ACVR2B: variants seen among roughly 807,000 people sequenced by gnomAD.
ACVR2B encodes the protein activin receptor type-2B.
In ACVR2B, 18 loss-of-function variants were observed where a neutral mutation model predicts 65.1. The ratio of observed to expected loss-of-function variants is 0.28; its 90% CI spans 0.19 to 0.41. The LOEUF (loss-of-function observed/expected upper bound fraction) is 0.41, where lower values mean the gene tolerates loss of function less well. Ranked by LOEUF, ACVR2B falls within the 10% of genes least tolerant of loss-of-function variation. The pLI, the probability that ACVR2B is intolerant of heterozygous loss-of-function variation, is 1.00. For synonymous variants in ACVR2B, 298 were observed against 277.7 expected (o/e 1.07, Z -0.73); for missense variants, 482 against 682.7 (o/e 0.71, Z 3.28).
At chr3:38,474,908 C>T (rs1709881654) in intron 1 of ACVR2B, 1 of 152,238 alleles carries the variant, frequency 6.6e-6, no homozygotes, top group Admixed American at 6.5e-5. Flanking sequence ...AAGCCAAACA[C>T]ATTCAAGGGT....
chr3:38,477,429 C>T lies in ACVR2B; in HGVS notation c.195C>T (p.Asn65=), dbSNP rs890931380. The T allele has an allele frequency of 6.2e-7, 1 of 1,614,174 alleles. No individual in the cohort carries two copies. The highest frequency in any genetic ancestry group is 8.5e-7 in the Non-Finnish European group (1 of 1,180,016). Residue 65 remains asparagine (N), a synonymous_variant, in exon 2 of 11, where the codon AAC becomes AAT. Transcript: ENST00000352511. The surrounding 1 kb of genome is among the most constrained non-coding windows in gnomAD (Gnocchi z 6.7). The stretch of plus-strand genomic sequence containing the variant: ...TGCACTGCTACGCCTCCTGGCGCAA[C>T]AGCTCTGGCACCATCGAGCTCGTGA... ...KRLHCYASWR[N]SSGTIELVKK...
intron 1 of ACVR2B, among the ~76,000 whole-genome samples, chr3:38,456,131 G>A (rs1420909542): frequency 6.6e-6 from 1 of 152,262 alleles, no homozygotes; most frequent in Non-Finnish European, 1.5e-5. Flanking sequence ...GCAGTGCTGA[G>A]CAGTGTACCC....
intron 1 of ACVR2B, among the ~76,000 whole-genome samples, chr3:38,470,652 G>C (rs1709803055): frequency 6.6e-6 from 1 of 152,136 alleles, no homozygotes; most frequent in African/African-American, 2.4e-5. Context: ...TTGGGAGCTG[G>C]GTAGTAAGAA....
rs2059819995 is a variant in ACVR2B, at chr3:38,492,721, A to G, written c.*9389A>G. ...GGATTTGAAAAGTGTGCTGATTTATATATATATATTACACACACACACACA... is the reference window on the plus strand; with the variant it reads ...GGATTTGAAAAGTGTGCTGATTTATGTATATATATTACACACACACACACA... On this transcript the variant is annotated 3_prime_UTR_variant, in exon 11 of 11. Coordinates refer to ENST00000352511, the MANE Select transcript of ACVR2B (RefSeq NM_001106.4). 1 of 136,222 alleles carries G rather than the reference A, an allele frequency of 7.3e-6. No homozygotes were observed. Among genetic ancestry groups the G allele is most frequent in the Non-Finnish European group, 1.6e-5 (1 of 62,044 alleles). 8.4% of individuals were successfully genotyped at this position (136,222 alleles called of 1,614,324 possible).
Position 38,454,498 on chromosome 3 carries a change from C to T in ACVR2B, c.52+124C>T, listed in dbSNP as rs992167582. The stretch of plus-strand genomic sequence containing the variant: ...GTCGCCGCACCACCTGTATTCAGCC[C>T]TCACCTCCGGGGGCGTGGGCTGGGG... On this transcript the variant is annotated intron_variant, in intron 1 of 10. Coordinates refer to ENST00000352511, the MANE Select transcript of ACVR2B (RefSeq NM_001106.4). 61 of 897,188 alleles carry T rather than the reference C, an allele frequency of 6.8e-5. No homozygotes were observed. In the East Asian group the frequency reaches 2.2e-3, roughly 33 times the overall value. The allele number at this position is 897,188 out of a possible 1,614,324, so 55.6% of individuals were successfully genotyped here.
chr3:38,488,344 A>G lies in ACVR2B; in HGVS notation c.*5012A>G, dbSNP rs558536471. The stretch of plus-strand genomic sequence containing the variant: ...TTGATTTGCAACCAGCAGTCTACCT[A>G]TGAATGTATCCCAAACCTTTAGAAG... On this transcript the variant is annotated 3_prime_UTR_variant, in exon 11 of 11. Coordinates refer to ENST00000352511, the MANE Select transcript of ACVR2B (RefSeq NM_001106.4). 6.6e-6 allele frequency: 1 copy of G among 152,344 alleles called. No individual in the cohort carries two copies. The highest frequency in any genetic ancestry group is 1.9e-4 in the East Asian group (1 of 5,182). The allele number at this position is 152,344 out of a possible 1,614,324, so 9.4% of individuals were successfully genotyped here. A position where few individuals can be genotyped will look rare whatever the true frequency, so the allele number is the denominator to read the frequency against.
In ACVR2B at chr3:38,454,143, C is replaced by T. The variant is rs1709499313; in HGVS notation, c.-180C>T. ...GCAGCGGCCCTGAGCCCGGCCCCGC[C>T]GACCGGCCCTTGGAGCCCGAACGCT... On this transcript the variant is annotated 5_prime_UTR_variant, in exon 1 of 11. Coordinates refer to ENST00000352511, the MANE Select transcript of ACVR2B (RefSeq NM_001106.4). The T allele has an allele frequency of 3.4e-6, 1 of 294,502 alleles. No homozygotes were observed. The highest frequency in any genetic ancestry group is 5.3e-6 in the Non-Finnish European group (1 of 187,786). 18.2% of individuals were successfully genotyped at this position (294,502 alleles called of 1,614,324 possible).
Position 38,481,432 on chromosome 3 carries a change from G to A in ACVR2B, c.1041G>A (p.Glu347=), listed in dbSNP as rs139748909. The change falls in exon 8 of 11, where the codon GAG becomes GAA. Residue 347 remains glutamate, a synonymous_variant. Transcript: ENST00000352511. The surrounding 1 kb of genome is among the most constrained non-coding windows in gnomAD (Gnocchi z 4.7). The part of the protein sequence containing the change: ...LADFGLAVRF[E]PGKPPGDTHG... Reference sequence around the variant, plus strand: ...ACTTTGGCTTGGCTGTTCGATTTGAGCCAGGGAAACCTCCAGGGGACACCC... The same window carrying A: ...ACTTTGGCTTGGCTGTTCGATTTGAACCAGGGAAACCTCCAGGGGACACCC... 1.2e-5 allele frequency: 20 copies of A among 1,614,114 alleles called. No homozygotes were observed. The African/African-American group carries it at 2.1e-4, about 17-fold the overall frequency.
chr3:38,460,485 A>T (rs150755502), intron 1 of ACVR2B, among the ~76,000 whole-genome samples: 1 of 152,198 alleles, frequency 6.6e-6, no homozygotes, highest in Non-Finnish European at 1.5e-5. Flanking sequence ...AGGGTCAGCC[A>T]TGTCTCTTCC....
In ACVR2B at chr3:38,483,462, TTTATTA is replaced by T. The variant is rs936754152; in HGVS notation, c.*141_*146del. ...TGCAGCTGCTATTTTACCTTGACTT[TTTATTA>T]TTATTATTATAATTATTATAATTAT... On this transcript the variant is annotated 3_prime_UTR_variant, in exon 11 of 11. Transcript: ENST00000352511. This position sits in a 1 kb window ranked among gnomAD's most constrained non-coding sequence, Gnocchi z 4.8. The T allele has an allele frequency of 5.7e-6, 3 of 523,578 alleles. No individual in the cohort carries two copies. Among genetic ancestry groups the T allele is most frequent in the South Asian group, 2.8e-5 (1 of 35,896 alleles). The allele number at this position is 523,578 out of a possible 1,614,324, so 32.4% of individuals were successfully genotyped here. A position where few individuals can be genotyped will look rare whatever the true frequency, so the allele number is the denominator to read the frequency against.
chr3:38,491,238 C>A lies in ACVR2B; in HGVS notation c.*7906C>A, dbSNP rs1358702537. 1 of 152,506 alleles carries A rather than the reference C, an allele frequency of 6.6e-6. No individual in the cohort carries two copies. Among genetic ancestry groups the A allele is most frequent in the Non-Finnish European group, 1.5e-5 (1 of 68,018 alleles). 9.4% of individuals were successfully genotyped at this position (152,506 alleles called of 1,614,324 possible). On this transcript the variant is annotated 3_prime_UTR_variant, in exon 11 of 11. Transcript: ENST00000352511. ...AAAAGTTTAATTAACCAGCAGTCAC[C>A]GCATCTGAATTTTTGTCTCTGGGGC... is the stretch of plus-strand genomic sequence containing the variant.
intron 1 of ACVR2B, among the ~76,000 whole-genome samples, chr3:38,459,385 C>T (rs1044818749): frequency 4.7e-4 from 72 of 152,204 alleles, no homozygotes; most frequent in African/African-American, 1.5e-3. Context: ...CCCGCCCACT[C>T]GCCTCTGACC....
intron 6 of ACVR2B, 68 bp downstream of exon 6, chr3:38,479,339 A>C (rs1286096423): frequency 6.2e-7 from 1 of 1,608,596 alleles, no homozygotes; most frequent in East Asian, 2.2e-5. Context: ...TCTCCATAAT[A>C]TGATGACCCC....
chr3:38,478,171 C>G lies in ACVR2B; in HGVS notation c.401C>G (p.Thr134Ser). The change falls in exon 4 of 11, where the codon ACC becomes AGC. Residue 134 changes from threonine to serine, a missense_variant. This residue lies in a region of ACVR2B where 95 missense variants were observed against 91.6 expected (regional missense o/e 1.04). Transcript: ENST00000352511. ...TACGAGCCACCCCCGACAGCCCCCA[C>G]CCTGCTCACGGTGCTGGCCTACTCA... ...VTYEPPPTAP[T>S]LLTVLAYSLL... 6.2e-7 allele frequency: 1 copy of G among 1,613,058 alleles called. No homozygotes were observed. The highest frequency in any genetic ancestry group is 8.5e-7 in the Non-Finnish European group (1 of 1,179,930).
At chr3:38,458,276 C>T (rs1484110514) in intron 1 of ACVR2B, among the ~76,000 whole-genome samples, 3 of 152,162 alleles carry the variant, frequency 2.0e-5, no homozygotes, top group Admixed American at 2.0e-4. Context: ...ATACAGTGGT[C>T]CTCCATGTCA....
Position 38,454,279 on chromosome 3 carries a change from C to T in ACVR2B, c.-44C>T. Reference sequence around the variant, plus strand: ...GCGCGCCCCGGGAGCGCCGTGCGGCCCTGCCCGCGGGCTCCGGGTGTGCGC... The same window carrying T: ...GCGCGCCCCGGGAGCGCCGTGCGGCTCTGCCCGCGGGCTCCGGGTGTGCGC... On this transcript the variant is annotated 5_prime_UTR_variant, in exon 1 of 11. Coordinates refer to ENST00000352511, the MANE Select transcript of ACVR2B (RefSeq NM_001106.4). 7 of 1,232,566 alleles carry T rather than the reference C, an allele frequency of 5.7e-6. No homozygotes were observed. The highest frequency in any genetic ancestry group is 7.1e-6 in the Non-Finnish European group (7 of 988,624). The allele number at this position is 1,232,566 out of a possible 1,614,324, so 76.4% of individuals were successfully genotyped here.
At position 38,492,108 on chromosome 3, in the gene ACVR2B, C is replaced by T. The variant is rs768040388; in HGVS notation, c.*8776C>T. The T allele has an allele frequency of 6.6e-6, 1 of 152,384 alleles. No homozygotes were observed. 9.4% of individuals were successfully genotyped at this position (152,384 alleles called of 1,614,324 possible). A position where few individuals can be genotyped will look rare whatever the true frequency, so the allele number is the denominator to read the frequency against. ...ATGTAACACATACGGTTAAAGAACA[C>T]AGCAAAGGACAAAATTTGCAGGAAC... On this transcript the variant is annotated 3_prime_UTR_variant, in exon 11 of 11. Coordinates refer to ENST00000352511, the MANE Select transcript of ACVR2B (RefSeq NM_001106.4).
chr3:38,454,906 G>A (rs1202920863), intron 1 of ACVR2B: 1 of 152,322 alleles, frequency 6.6e-6, no homozygotes, highest in African/African-American at 2.4e-5. Context: ...CCGGCGGGCT[G>A]TTGGTGCTGG....
At chr3:38,471,666 A>G (rs1045970635) in intron 1 of ACVR2B, among the ~76,000 whole-genome samples, 5 of 152,242 alleles carry the variant, frequency 3.3e-5, no homozygotes, top group Admixed American at 3.3e-4. Context: ...GAGAGGCAGC[A>G]GTATATAAAG....
Sources: gnomAD v4.1 joint callset for allele counts (sites outside exome capture counted in the v4.1 genomes callset) on GRCh38, gnomAD v4.1.1 for gene constraint, gnomAD v4.1.1 regional missense constraint, Gnocchi (gnomAD v3.1) non-coding constraint, MANE v1.5 for transcripts, NCBI Gene and HGNC (gene_info 2026-07-23, HGNC 2026-07-21) for gene names.